USP24: variants seen among roughly 807,000 people sequenced by gnomAD.
The protein encoded by USP24 is ubiquitin carboxyl-terminal hydrolase 24.
A neutral mutation model predicts 361.6 loss-of-function variants in USP24; 97 were observed. The observed-to-expected ratio is 0.27, with a 90% CI of 0.23 to 0.32. The LOEUF is 0.32. Ranked by LOEUF, USP24 falls within the 10% of genes least tolerant of loss-of-function variation. USP24 has a pLI of 1.00. For synonymous variants in USP24, 1,098 were observed against 1,124.6 expected (o/e 0.98, Z 0.47); for missense variants, 2,353 against 3,165.6 (o/e 0.74, Z 6.16).
chr1:55,068,248 T>C lies in USP24; in HGVS notation c.*797A>G, dbSNP rs904900150. The C allele has an allele frequency of 1.3e-5, 2 of 152,250 alleles. No homozygotes were observed. Among genetic ancestry groups the C allele is most frequent in the Non-Finnish European group, 2.9e-5 (2 of 68,044 alleles). 9.4% of individuals were successfully genotyped at this position (152,250 alleles called of 1,614,324 possible). ...ATCTTAAAGTGCTTTTATTTTGCTG[T>C]TTTTAAAATCTGTTTGGGGAACAAC... On this transcript the variant is annotated 3_prime_UTR_variant, in exon 68 of 68. Coordinates refer to ENST00000294383, the MANE Select transcript of USP24 (RefSeq NM_015306.3).
intron 1 of USP24, among the ~76,000 whole-genome samples, chr1:55,197,256 C>T (rs1002071219): frequency 1.3e-5 from 2 of 152,168 alleles, no homozygotes; most frequent in Non-Finnish European, 2.9e-5. Flanking sequence ...CCACTGCTGT[C>T]CAGCATGATC....
chr1:55,152,775 T>C (rs1370565960), intron 16 of USP24, among the ~76,000 whole-genome samples: 1 of 152,194 alleles, frequency 6.6e-6, no homozygotes, highest in Non-Finnish European at 1.5e-5. Context: ...GGGTTACATG[T>C]AGAAAATTCA....
chr1:55,214,517 G>A (rs1326178925), intron 1 of USP24, among the ~76,000 whole-genome samples: 1 of 151,720 alleles, frequency 6.6e-6, no homozygotes, highest in Admixed American at 6.6e-5. Flanking sequence ...GAAGCCTAAG[G>A]GACCCCTCCT....
At position 55,123,524 on chromosome 1, in the gene USP24, G is replaced by A; in HGVS notation, c.4199C>T (p.Ser1400Phe). The change falls in exon 36 of 68, where the codon TCC becomes TTC. Residue 1400 changes from serine (S) to phenylalanine (F), a missense_variant. Around this residue, in one of 8 missense-constraint regions of USP24, gnomAD observed 949 missense variants for 1,280.5 expected, o/e 0.74. Transcript: ENST00000294383. ...TCCCGCAATCAGCGAGTCTTTGGTG[G>A]ATACAGACTGTTGTCGAACACAGAT... ...AGICVRQQSVSTKDSLIAGEA... is the reference protein window; with the variant it reads ...AGICVRQQSVFTKDSLIAGEA... 6.2e-7 allele frequency: 1 copy of A among 1,603,828 alleles called. No individual in the cohort carries two copies. The highest frequency in any genetic ancestry group is 8.5e-7 in the Non-Finnish European group (1 of 1,175,182).
intron 1 of USP24, among the ~76,000 whole-genome samples, chr1:55,213,052 C>A (rs576079454): frequency 1.3e-5 from 2 of 151,972 alleles, no homozygotes; most frequent in Admixed American, 1.3e-4. Flanking sequence ...AAAGGTATGA[C>A]AAAAGAAAAA....
intron 7 of USP24, among the ~76,000 whole-genome samples, chr1:55,163,305 G>A (rs1648488155): frequency 6.6e-6 from 1 of 151,810 alleles, no homozygotes; most frequent in Non-Finnish European, 1.5e-5. Flanking sequence ...CTTCTATATA[G>A]CAAAAGATAC....
chr1:55,154,444 C>G lies in USP24; in HGVS notation c.1577G>C (p.Arg526Thr). Residue 526 changes from arginine (R) to threonine (T), a missense_variant, in exon 14 of 68, where the codon AGA becomes ACA. Physicochemically the swap from Arg to Thr is moderately conservative, Grantham distance 71 (BLOSUM62 -1). Around this residue, in one of 8 missense-constraint regions of USP24, gnomAD observed 386 missense variants for 560.5 expected, o/e 0.69. Coordinates refer to ENST00000294383, the MANE Select transcript of USP24 (RefSeq NM_015306.3). Reference sequence around the variant, plus strand: ...CAGGCTCAAAAGCTTCTGTCTTACTCTATCACTCTCAGTCTCCCAGCTCTG... The same window carrying G: ...CAGGCTCAAAAGCTTCTGTCTTACTGTATCACTCTCAGTCTCCCAGCTCTG... Reference protein sequence around the residue: ...IQKSWETESDRVRQKLLSLIG... With the variant: ...IQKSWETESDTVRQKLLSLIG... 2 of 1,551,482 alleles carry G rather than the reference C, an allele frequency of 1.3e-6. No individual in the cohort carries two copies. Among genetic ancestry groups the G allele is most frequent in the Non-Finnish European group, 1.7e-6 (2 of 1,146,832 alleles).
chr1:55,114,523 G>A (rs1391171271), intron 38 of USP24, among the ~76,000 whole-genome samples: 1 of 152,076 alleles, frequency 6.6e-6, no homozygotes, highest in African/African-American at 2.4e-5. Flanking sequence ...AAAACAGCAT[G>A]GTACTGTACC....
At position 55,162,204 on chromosome 1, in the gene USP24, C is replaced by G. The variant is rs1481491201; in HGVS notation, c.988G>C (p.Val330Leu). Residue 330 changes from valine (V) to leucine (L), a missense_variant, in exon 8 of 68, where the codon GTA (valine) becomes CTA (leucine). By Grantham distance (32) the Val-to-Leu change is conservative. Transcript: ENST00000294383. ...VCAEYLNSSVVQPMLDPVILT... is the reference protein window; with the variant it reads ...VCAEYLNSSVLQPMLDPVILT... ...GTGAAATGGTTTAATCCTACCTGTA[C>G]CACGGAGGAATTGAGGTACTCTGCA... 6.3e-7 allele frequency: 1 copy of G among 1,593,746 alleles called. No homozygotes were observed. The highest frequency in any genetic ancestry group is 1.8e-5 in the Admixed American group (1 of 56,648).
chr1:55,139,252 CTTCTT>C (rs995159156), intron 24 of USP24, among the ~76,000 whole-genome samples: 17 of 152,162 alleles, frequency 1.1e-4, no homozygotes, highest in African/African-American at 4.1e-4. Context: ...CCTTTTCTTT[CTTCTT>C]TTCATTTCTT....
At chr1:55,119,006 T>C (rs1025684384) in intron 38 of USP24, among the ~76,000 whole-genome samples, 1 of 152,188 alleles carries the variant, frequency 6.6e-6, no homozygotes, top group Non-Finnish European at 1.5e-5. Context: ...TGGAAAACAG[T>C]ATGGTGGTTC....
In USP24 at chr1:55,134,418, T is replaced by A; in HGVS notation, c.3202-5A>T. 1 of 1,605,846 alleles carries A rather than the reference T, an allele frequency of 6.2e-7. No individual in the cohort carries two copies. On this transcript the variant is annotated splice_polypyrimidine_tract_variant and splice_region_variant and intron_variant, in intron 28 of 67. Coordinates refer to ENST00000294383, the MANE Select transcript of USP24 (RefSeq NM_015306.3). ...TACACCAGGGAGGGATTTCTCCTGA[T>A]GGAAAAAAGCAAAATAGAAATTCAA...
rs138045458 is a variant in USP24, at chr1:55,139,520, T to C, written c.2751-510A>G. On this transcript the variant is annotated intron_variant, in intron 24 of 67. Coordinates refer to ENST00000294383, the MANE Select transcript of USP24 (RefSeq NM_015306.3). ...GAGGTCTCTTTTGGTTGAAGACTTA[T>C]GGAATCTTACTTATCATTTGAAATA... Among the ~76,000 whole-genome samples the C allele has an allele frequency of 1.2e-4, 18 of 152,340 alleles. No individual in the cohort carries two copies. The East Asian group carries it at 3.5e-3, about 29-fold the overall frequency.
At chr1:55,089,230 T>A (rs919923088) in intron 55 of USP24, among the ~76,000 whole-genome samples, 4 of 152,150 alleles carry the variant, frequency 2.6e-5, no homozygotes, top group African/African-American at 9.7e-5. Flanking sequence ...TGAAAAATAA[T>A]TTTTTAGTCA....
chr1:55,136,858 A>G (rs1646750471), intron 28 of USP24, among the ~76,000 whole-genome samples: 1 of 152,168 alleles, frequency 6.6e-6, no homozygotes, highest in African/African-American at 2.4e-5. Flanking sequence ...AGAGATGTTA[A>G]GTGGATGGAT....
rs965403566 is a variant in USP24, at chr1:55,181,830, G to A, written c.325-3698C>T. 3.9e-5 allele frequency among the ~76,000 whole-genome samples: 6 copies of A among 152,168 alleles called. No homozygotes were observed. In the East Asian group the frequency reaches 1.2e-3, roughly 29 times the overall value. Reference sequence around the variant, plus strand: ...ATCAATTGAAGCCCTAACTCTCAATGTGACTATATTTGGAGATAGTGCCTT... The same window carrying A: ...ATCAATTGAAGCCCTAACTCTCAATATGACTATATTTGGAGATAGTGCCTT... On this transcript the variant is annotated intron_variant, in intron 1 of 67. Coordinates refer to ENST00000294383, the MANE Select transcript of USP24 (RefSeq NM_015306.3).
intron 7 of USP24, among the ~76,000 whole-genome samples, chr1:55,163,379 T>A (rs201610944): frequency 1.3e-5 from 2 of 151,918 alleles, no homozygotes; most frequent in East Asian, 3.8e-4. Context: ...GCAAAATAGA[T>A]ACAGCATTGA....
intron 12 of USP24, among the ~76,000 whole-genome samples, chr1:55,156,651 T>G (rs1570567788): frequency 6.6e-6 from 1 of 152,114 alleles, no homozygotes; most frequent in Admixed American, 6.5e-5. Flanking sequence ...AACACTAGAT[T>G]GATAAACAAA....
intron 24 of USP24, among the ~76,000 whole-genome samples, chr1:55,140,927 A>G (rs193097024): frequency 5.3e-5 from 8 of 152,334 alleles, no homozygotes; most frequent in Admixed American, 3.9e-4. Flanking sequence ...GAAATCTGTT[A>G]TCAGAGAACT....
Sources: gnomAD v4.1 joint callset for allele counts (sites outside exome capture counted in the v4.1 genomes callset) on GRCh38, gnomAD v4.1.1 for gene constraint, gnomAD v4.1.1 regional missense constraint, MANE v1.5 for transcripts, NCBI Gene and HGNC (gene_info 2026-07-23, HGNC 2026-07-21) for gene names.